ROBO1: variants seen among roughly 807,000 people sequenced by gnomAD.
ROBO1 encodes the protein roundabout guidance receptor 1.
ROBO1 carries 149 observed loss-of-function variants against 195.9 expected under a neutral mutation model. The observed-to-expected ratio is 0.76, with a 90% CI of 0.67 to 0.87. The LOEUF is 0.87. Among genes scored for constraint, ROBO1 ranks in the 40% least tolerant of loss-of-function variants. The pLI is 0.00. For synonymous variants in ROBO1, 816 were observed against 733.2 expected (o/e 1.11, Z -1.82); for missense variants, 1,933 against 2,068.3 (o/e 0.93, Z 1.27).
At chr3:78,932,495 T>C (rs550584708) in intron 4 of ROBO1, among the ~76,000 whole-genome samples, 1 of 152,306 alleles carries the variant, frequency 6.6e-6, no homozygotes, top group African/African-American at 2.4e-5. Flanking sequence ...TCCAGGATAG[T>C]GTATCCAGTA....
chr3:78,815,325 G>A (rs960201052), intron 4 of ROBO1, among the ~76,000 whole-genome samples: 1 of 152,166 alleles, frequency 6.6e-6, no homozygotes, highest in African/African-American at 2.4e-5. Flanking sequence ...AGTTTGCCAA[G>A]CTGTGAATAC....
At chr3:78,713,501 AC>A (rs1453646624) in intron 8 of ROBO1, among the ~76,000 whole-genome samples, 3 of 152,158 alleles carry the variant, frequency 2.0e-5, no homozygotes, top group African/African-American at 4.8e-5. Context: ...TTTTTTTCCA[AC>A]CAATAAAATG....
intron 2 of ROBO1, among the ~76,000 whole-genome samples, chr3:79,300,606 C>G (rs995357102): frequency 6.6e-6 from 1 of 152,198 alleles, no homozygotes; most frequent in African/African-American, 2.4e-5. Flanking sequence ...GGCGTGCAGG[C>G]GCACTGCAGT....
At chr3:78,869,375 ATCTT>A (rs2035401104) in intron 4 of ROBO1, among the ~76,000 whole-genome samples, 1 of 152,190 alleles carries the variant, frequency 6.6e-6, no homozygotes, top group East Asian at 1.9e-4. Flanking sequence ...ACAAACGTTG[ATCTT>A]TCTTTATGTA....
intron 4 of ROBO1, among the ~76,000 whole-genome samples, chr3:78,794,181 T>C (rs2084112997): frequency 6.6e-6 from 1 of 152,186 alleles, no homozygotes. Context: ...ATCCTGGCTC[T>C]TATCTGAGCT....
At chr3:78,612,006 TATGGCGGCCCTAGCAAACTAATACAAGG>T (rs1703844389) in intron 28 of ROBO1, among the ~76,000 whole-genome samples, 1 of 152,172 alleles carries the variant, frequency 6.6e-6, no homozygotes, top group African/African-American at 2.4e-5. Context: ...GGTACTTTGT[TATGGCGGCCCTAGCAAACTAATACAAGG>T]ATTAACTGAG....
intron 4 of ROBO1, among the ~76,000 whole-genome samples, chr3:78,751,754 G>C (rs2082802188): frequency 6.6e-6 from 1 of 152,036 alleles, no homozygotes; most frequent in Non-Finnish European, 1.5e-5. Flanking sequence ...TTGAGAATTA[G>C]ATTTCATTAT....
At chr3:79,146,391 T>C (rs934261624) in intron 2 of ROBO1, among the ~76,000 whole-genome samples, 1 of 152,030 alleles carries the variant, frequency 6.6e-6, no homozygotes, top group Non-Finnish European at 1.5e-5. Context: ...GCTATATTGA[T>C]TCTTTTGTCA....
At chr3:78,655,034 A>G (rs1274629878) in intron 18 of ROBO1, among the ~76,000 whole-genome samples, 1 of 152,104 alleles carries the variant, frequency 6.6e-6, no homozygotes, top group African/African-American at 2.4e-5. Flanking sequence ...CAAGCAACTT[A>G]TTTTCTTACA....
chr3:79,506,272 A>G (rs1940389880), intron 2 of ROBO1, among the ~76,000 whole-genome samples: 1 of 152,170 alleles, frequency 6.6e-6, no homozygotes, highest in South Asian at 2.1e-4. Context: ...CAATTAGAAG[A>G]TTTTTAAGGA....
chr3:79,138,198 G>GGTTGGT (rs2080452915), intron 2 of ROBO1, among the ~76,000 whole-genome samples: 3 of 152,098 alleles, frequency 2.0e-5, no homozygotes, highest in Admixed American at 2.0e-4. Flanking sequence ...ATCTTTTGGT[G>GGTTGGT]TAAGTTGAAG....
At chr3:79,477,001 GCT>G (rs1410707228) in intron 2 of ROBO1, among the ~76,000 whole-genome samples, 1 of 151,872 alleles carries the variant, frequency 6.6e-6, no homozygotes, top group Non-Finnish European at 1.5e-5. Flanking sequence ...GTAAATATGT[GCT>G]TTTTTATTAA....
chr3:79,424,821 A>T (rs1257193996), intron 2 of ROBO1, among the ~76,000 whole-genome samples: 3 of 152,168 alleles, frequency 2.0e-5, no homozygotes, highest in Admixed American at 2.0e-4. Context: ...GGCCAGTTAG[A>T]TATTAACTCT....
chr3:79,012,094 A>G (rs1373561710), intron 3 of ROBO1, among the ~76,000 whole-genome samples: 1 of 152,188 alleles, frequency 6.6e-6, no homozygotes, highest in Non-Finnish European at 1.5e-5. Context: ...GAGCATCTTG[A>G]GAAAGTGTTT....
In ROBO1 at chr3:79,025,974, G is replaced by GA. The variant is rs1298990005; in HGVS notation, c.173-87048dup. ...AGAATAATCAGCAATTCTTGATCAC[G>GA]ATTCTCTACCTTTAACATCCTTACA... On this transcript the variant is annotated intron_variant, in intron 3 of 30. Coordinates refer to ENST00000464233, the MANE Select transcript of ROBO1 (RefSeq NM_002941.4). 3.9e-5 allele frequency among the ~76,000 whole-genome samples: 6 copies of GA among 152,168 alleles called. No homozygotes were observed. The East Asian group carries it at 7.7e-4, about 20-fold the overall frequency.
At chr3:78,862,054 A>C (rs79293674) in intron 4 of ROBO1, among the ~76,000 whole-genome samples, 2 of 152,172 alleles carry the variant, frequency 1.3e-5, no homozygotes, top group African/African-American at 4.8e-5. Context: ...GATGTAGTTA[A>C]GGTTACCGAA....
rs376410659 is a variant in ROBO1 at position 79,689,481 on chromosome 3, G to A, written c.-51+78271C>T. 4.0e-5 allele frequency among the ~76,000 whole-genome samples: 6 copies of A among 151,816 alleles called. No individual in the cohort carries two copies. In the East Asian group the frequency reaches 1.2e-3, roughly 29 times the overall value. ...CATATGAATAATTTTGCTATACGAG[G>A]CTGCTTTAAGAATTAAGTGAGATAT... On this transcript the variant is annotated intron_variant, in intron 1 of 30. Coordinates refer to ENST00000464233, the MANE Select transcript of ROBO1 (RefSeq NM_002941.4).
chr3:79,722,292 A>G (rs1702740692), intron 1 of ROBO1, among the ~76,000 whole-genome samples: 2 of 152,224 alleles, frequency 1.3e-5, no homozygotes, highest in African/African-American at 4.8e-5. Context: ...CATCTTTAGA[A>G]ATCTAAGCTT....
intron 2 of ROBO1, among the ~76,000 whole-genome samples, chr3:79,487,497 G>T (rs1383579611): frequency 2.6e-5 from 4 of 152,198 alleles, no homozygotes; most frequent in African/African-American, 9.6e-5. Flanking sequence ...TTACAGGCAG[G>T]AACCACTGCG....
Sources: allele counts gnomAD v4.1 joint callset (sites outside exome capture counted in the v4.1 genomes callset), GRCh38; gene constraint gnomAD v4.1.1; transcripts MANE v1.5; gene names NCBI Gene and HGNC (gene_info 2026-07-23, HGNC 2026-07-21).